Variants in KCNH5 observed in about 807,000 individuals in gnomAD.
KCNH5 encodes the protein voltage-gated delayed rectifier potassium channel KCNH5.
Under a neutral mutation model 96.1 loss-of-function variants are expected in KCNH5, and 46 were observed. The observed-to-expected ratio is 0.48, with a 90% CI of 0.38 to 0.61. The LOEUF is 0.61. Among genes scored for constraint, KCNH5 ranks in the 20% least tolerant of loss-of-function variants. The pLI, the probability that KCNH5 is intolerant of heterozygous loss-of-function variation, is 0.00. For synonymous variants in KCNH5, 439 were observed against 449.8 expected (o/e 0.98, Z 0.30); for missense variants, 907 against 1,225.8 (o/e 0.74, Z 3.88).
At chr14:62,744,462 A>G (rs1003059940) in intron 10 of KCNH5, among the ~76,000 whole-genome samples, 11 of 152,196 alleles carry the variant, frequency 7.2e-5, no homozygotes, top group African/African-American at 2.7e-4. Flanking sequence ...TGGGCACTCA[A>G]ATTAAGAGTT....
At chr14:62,837,941 G>A (rs1169101439) in intron 8 of KCNH5, among the ~76,000 whole-genome samples, 3 of 152,134 alleles carry the variant, frequency 2.0e-5, no homozygotes, top group Admixed American at 1.3e-4. Context: ...TGGGAGTTGG[G>A]CTGGGTTGTT....
chr14:62,866,382 TCTTA>T (rs1403431981), intron 7 of KCNH5, among the ~76,000 whole-genome samples: 3 of 152,224 alleles, frequency 2.0e-5, no homozygotes, highest in African/African-American at 7.2e-5. Flanking sequence ...GAATTTCTTC[TCTTA>T]CTGTCTACCA....
At chr14:63,032,624 G>C (rs1594684901) in intron 1 of KCNH5, among the ~76,000 whole-genome samples, 2 of 152,120 alleles carry the variant, frequency 1.3e-5, no homozygotes, top group Non-Finnish European at 2.9e-5. Context: ...TTATTCAAAA[G>C]TTTACTTAGT....
At chr14:62,737,750 G>T (rs780338496) in intron 10 of KCNH5, among the ~76,000 whole-genome samples, 2 of 152,078 alleles carry the variant, frequency 1.3e-5, no homozygotes, top group Non-Finnish European at 2.9e-5. Flanking sequence ...AGAAATCCCA[G>T]TCGAGTACCA....
intron 8 of KCNH5, among the ~76,000 whole-genome samples, chr14:62,822,219 T>C (rs549757390): frequency 6.6e-6 from 1 of 152,286 alleles, no homozygotes; most frequent in East Asian, 1.9e-4. Context: ...TTTACATTTA[T>C]GCAACTCTTA....
At chr14:62,879,663 G>A (rs1223873182) in intron 7 of KCNH5, among the ~76,000 whole-genome samples, 1 of 152,102 alleles carries the variant, frequency 6.6e-6, no homozygotes, top group East Asian at 1.9e-4. Context: ...GCGTGATACA[G>A]TTATCTTACT....
At chr14:62,831,536 CTG>C (rs1183501255) in intron 8 of KCNH5, among the ~76,000 whole-genome samples, 34 of 152,166 alleles carry the variant, frequency 2.2e-4, no homozygotes, top group Admixed American at 2.1e-3. Flanking sequence ...TGAGAACTGT[CTG>C]TATCTCTTGT....
intron 6 of KCNH5, among the ~76,000 whole-genome samples, chr14:62,966,424 G>A (rs183872480): frequency 6.6e-6 from 1 of 152,266 alleles, no homozygotes; most frequent in East Asian, 1.9e-4. Context: ...TCCCCAAGAA[G>A]ACAACTTAAA....
At chr14:63,016,979 A>T in intron 1 of KCNH5, 25 bp from the exon 2 acceptor site, 1 of 1,591,700 alleles carries the variant, frequency 6.3e-7, no homozygotes, top group Non-Finnish European at 8.5e-7. Context: ...AGAAAAAAGG[A>T]GGTTATTTAG....
At chr14:62,872,120 C>A (rs1417728745) in intron 7 of KCNH5, among the ~76,000 whole-genome samples, 1 of 152,208 alleles carries the variant, frequency 6.6e-6, no homozygotes, top group Non-Finnish European at 1.5e-5. Context: ...GATTCTTTCA[C>A]AATTTCATTT....
chr14:63,040,183 C>T (rs765606273), intron 1 of KCNH5, among the ~76,000 whole-genome samples: 22 of 152,248 alleles, frequency 1.4e-4, no homozygotes, highest in East Asian at 3.9e-4. Context: ...ATCATAACTA[C>T]GCCCTTCTAT....
intron 8 of KCNH5, among the ~76,000 whole-genome samples, chr14:62,837,192 C>T (rs1887482345): frequency 6.6e-6 from 1 of 152,120 alleles, no homozygotes. Context: ...TTTGTGTAAC[C>T]ACAAAATAGT....
intron 1 of KCNH5, among the ~76,000 whole-genome samples, chr14:63,021,248 T>A (rs1182769922): frequency 1.3e-5 from 2 of 152,208 alleles, no homozygotes; most frequent in African/African-American, 4.8e-5. Context: ...CTATCATTCT[T>A]CATCCAGATC....
At position 62,869,969 on chromosome 14, in the gene KCNH5, C is replaced by A. The variant is rs138225061; in HGVS notation, c.1370-20117G>T. Among the ~76,000 whole-genome samples the A allele has an allele frequency of 4.2e-3, 641 of 151,870 alleles. 3 individuals carry two copies. Among genetic ancestry groups the A allele is most frequent in the Admixed American group, 9.8e-3 (150 of 15,268 alleles). Reference sequence around the variant, plus strand: ...ACTCAAGATTAATTGAAGATTTAAACGTAATGTCATTACTTTTAATGGCAA... The same window carrying A: ...ACTCAAGATTAATTGAAGATTTAAAAGTAATGTCATTACTTTTAATGGCAA... On this transcript the variant is annotated intron_variant, in intron 7 of 10. Transcript: ENST00000322893.
At chr14:62,765,518 A>C (rs1885840794) in intron 10 of KCNH5, among the ~76,000 whole-genome samples, 1 of 152,218 alleles carries the variant, frequency 6.6e-6, no homozygotes, top group South Asian at 2.1e-4. Flanking sequence ...AAAATTGACA[A>C]ATGGGACCTA....
At chr14:62,859,663 G>A (rs887004303) in intron 7 of KCNH5, among the ~76,000 whole-genome samples, 1 of 152,294 alleles carries the variant, frequency 6.6e-6, no homozygotes, top group East Asian at 1.9e-4. Flanking sequence ...CGCGCATCTG[G>A]CCATTTCTCC....
At chr14:62,720,141 C>A (rs1884774800) in intron 10 of KCNH5, among the ~76,000 whole-genome samples, 1 of 152,066 alleles carries the variant, frequency 6.6e-6, no homozygotes, top group African/African-American at 2.4e-5. Context: ...GGAGAGGGCT[C>A]AGAGAGGGGA....
chr14:62,711,145 T>C (rs1884557810), intron 10 of KCNH5, among the ~76,000 whole-genome samples: 1 of 152,206 alleles, frequency 6.6e-6, no homozygotes, highest in African/African-American at 2.4e-5. Context: ...CAGGGTGTTT[T>C]GTGTTGTAAG....
chr14:62,877,411 T>C (rs1238928429), intron 7 of KCNH5, among the ~76,000 whole-genome samples: 8 of 151,878 alleles, frequency 5.3e-5, no homozygotes, highest in East Asian at 3.9e-4. Context: ...ACAGGCAACC[T>C]ACAAAATGGG....
Sources: allele counts gnomAD v4.1 joint callset (sites outside exome capture counted in the v4.1 genomes callset), GRCh38; gene constraint gnomAD v4.1.1; transcripts MANE v1.5; gene names NCBI Gene and HGNC (gene_info 2026-07-23, HGNC 2026-07-21).